The following SLCO3A1 variants were observed in gnomAD, a reference collection of about 807,000 sequenced individuals.
SLCO3A1 encodes PGE1 transporter.
A neutral mutation model predicts 63.1 loss-of-function variants in SLCO3A1; 27 were observed. The observed-to-expected ratio is 0.43, with a 90% CI of 0.32 to 0.59. The LOEUF is 0.59. Among genes scored for constraint, SLCO3A1 ranks in the 20% least tolerant of loss-of-function variants. The pLI is 0.09. For synonymous variants in SLCO3A1, 473 were observed against 409.9 expected, an observed-to-expected ratio of 1.15 and a Z score of -1.86; for missense variants, 773 against 945.8, an observed-to-expected ratio of 0.82 and a Z score of 2.40.
chr15:92,069,518 G>C lies in SLCO3A1; in HGVS notation c.647-25363G>C, dbSNP rs145413268. On this transcript the variant is annotated intron_variant, in intron 2 of 9. Transcript: ENST00000318445. The stretch of plus-strand genomic sequence containing the variant: ...AGAAGGCAGTCTTTGCATTCACTAC[G>C]CAAGGGAGGTGTCACTCCAGGTGAC... Among the ~76,000 whole-genome samples, 115 of 152,288 alleles carry C rather than the reference G, an allele frequency of 7.6e-4. 1 individual carries two copies. Among genetic ancestry groups the C allele is most frequent in the African/African-American group, 2.5e-3 (104 of 41,560 alleles).
chr15:91,936,619 C>G (rs750494748), intron 2 of SLCO3A1, among the ~76,000 whole-genome samples: 2 of 152,168 alleles, frequency 1.3e-5, no homozygotes, highest in Non-Finnish European at 2.9e-5. Context: ...GCATGTCGTG[C>G]GGCTTACAGG....
chr15:92,048,559 AG>A (rs1303029103), intron 2 of SLCO3A1, among the ~76,000 whole-genome samples: 1 of 152,156 alleles, frequency 6.6e-6, no homozygotes, highest in Non-Finnish European at 1.5e-5. Context: ...TTCTAGTAGC[AG>A]CCCCCTACCA....
chr15:92,044,965 C>T (rs2046842809), intron 2 of SLCO3A1, among the ~76,000 whole-genome samples: 1 of 152,156 alleles, frequency 6.6e-6, no homozygotes, highest in Non-Finnish European at 1.5e-5. Context: ...TCCTCTGAGC[C>T]TTGGCTCAAA....
chr15:92,122,418 G>A (rs542381342), intron 5 of SLCO3A1, among the ~76,000 whole-genome samples: 1 of 152,222 alleles, frequency 6.6e-6, no homozygotes, highest in East Asian at 1.9e-4. Context: ...AAACACAAAG[G>A]TGCTAACCAT....
At chr15:91,864,490 CTTTT>C (rs56982912) in intron 1 of SLCO3A1, among the ~76,000 whole-genome samples, 39 of 133,696 alleles carry the variant, frequency 2.9e-4, no homozygotes, top group African/African-American at 5.1e-4. Context: ...AAATGTTCCT[CTTTT>C]TTTTTTTTTT....
At chr15:92,123,322 G>A (rs959513019) in intron 5 of SLCO3A1, among the ~76,000 whole-genome samples, 18 of 152,216 alleles carry the variant, frequency 1.2e-4, no homozygotes, top group African/African-American at 4.1e-4. Context: ...CAGTAGAATC[G>A]CTTGAACCTG....
In SLCO3A1 at chr15:92,163,009, T is replaced by C; in HGVS notation, c.2007T>C (p.Phe669=). Residue 669 remains phenylalanine (F), a synonymous_variant, in exon 10 of 10, where the codon TTT becomes TTC. Transcript: ENST00000318445. ...HEGGLSTSEF[F]ASTLTLDNLG... ...GCGGGCTGAGCACCAGTGAGTTCTT[T>C]GCCTCTACTCTGACCCTAGACAACC... 1 of 1,612,382 alleles carries C rather than the reference T, an allele frequency of 6.2e-7. No individual in the cohort carries two copies. Among genetic ancestry groups the C allele is most frequent in the Non-Finnish European group, 8.5e-7 (1 of 1,178,994 alleles).
intron 6 of SLCO3A1, among the ~76,000 whole-genome samples, chr15:92,127,830 G>A (rs1160656475): frequency 6.6e-6 from 1 of 152,178 alleles, no homozygotes; most frequent in Admixed American, 6.5e-5. Flanking sequence ...TAAGCATCAT[G>A]AGGCTTCCTG....
intron 2 of SLCO3A1, among the ~76,000 whole-genome samples, chr15:92,040,260 A>G (rs1449461236): frequency 1.3e-5 from 2 of 152,190 alleles, no homozygotes; most frequent in African/African-American, 2.4e-5. Context: ...CAGCTTCATT[A>G]ATACTAATTT....
intron 1 of SLCO3A1, chr15:91,889,064 T>A: frequency 6.7e-6 from 5 of 742,856 alleles, no homozygotes; most frequent in East Asian, 1.0e-4. Flanking sequence ...TATTACTAGC[T>A]AACATATAGC....
intron 2 of SLCO3A1, among the ~76,000 whole-genome samples, chr15:91,945,739 A>G (rs1201469282): frequency 6.6e-6 from 1 of 152,210 alleles, no homozygotes; most frequent in African/African-American, 2.4e-5. Context: ...GGTAGGAACA[A>G]TGTGATCCGA....
intron 2 of SLCO3A1, among the ~76,000 whole-genome samples, chr15:91,926,520 A>G (rs1272011577): frequency 1.3e-5 from 2 of 148,720 alleles, no homozygotes; most frequent in African/African-American, 5.0e-5. Context: ...AGTATGTTCC[A>G]TTCCCAGCGT....
Position 91,931,788 on chromosome 15 carries a change from A to AACACACACACACACACACACAC in SLCO3A1, c.646+15342_646+15343insACACACACACACACACACACAC, listed in dbSNP as rs112525299. ...GCCCGGCTGGTGTCTTAAGTGTGGA[A>AACACACACACACACACACACAC]ACACACACACACGCACACACACACA... On this transcript the variant is annotated intron_variant, in intron 2 of 9. Coordinates refer to ENST00000318445, the MANE Select transcript of SLCO3A1 (RefSeq NM_013272.4). 1.7e-4 allele frequency among the ~76,000 whole-genome samples: 25 copies of AACACACACACACACACACACAC among 144,216 alleles called. 1 individual carries two copies. Among genetic ancestry groups the AACACACACACACACACACACAC allele is most frequent in the East Asian group, 1.7e-3 (8 of 4,808 alleles). 94.6% of individuals were successfully genotyped at this position (144,216 alleles called of 152,430 possible).
In SLCO3A1 at chr15:91,856,617, T is replaced by A. The variant is rs1209115453; in HGVS notation, c.180+2529T>A. Among the ~76,000 whole-genome samples, 1 of 152,234 alleles carries A rather than the reference T, an allele frequency of 6.6e-6. No homozygotes were observed. The highest frequency in any genetic ancestry group is 1.5e-5 in the Non-Finnish European group (1 of 68,038). Reference sequence around the variant, plus strand: ...TTCCTTTTAATTCATCATGGCTTTCTTAGGAAACCTGAGACCTTGTGTCTG... The same window carrying A: ...TTCCTTTTAATTCATCATGGCTTTCATAGGAAACCTGAGACCTTGTGTCTG... On this transcript the variant is annotated intron_variant, in intron 1 of 9. Transcript: ENST00000318445. The surrounding 1 kb of genome is among the most constrained non-coding windows in gnomAD (Gnocchi z 4.9).
chr15:92,085,761 A>G (rs970607808), intron 2 of SLCO3A1, among the ~76,000 whole-genome samples: 1 of 152,144 alleles, frequency 6.6e-6, no homozygotes, highest in Admixed American at 6.5e-5. Flanking sequence ...TCTCCTCCCC[A>G]CCTGTCCCCA....
At position 92,164,682 on chromosome 15, in the gene SLCO3A1, G is replaced by C. The variant is rs768494502; in HGVS notation, c.*1547G>C. 55 of 985,400 alleles carry C rather than the reference G, an allele frequency of 5.6e-5. No individual in the cohort carries two copies. Among genetic ancestry groups the C allele is most frequent in the Middle Eastern group, 5.2e-4 (1 of 1,916 alleles). 61.0% of individuals were successfully genotyped at this position (985,400 alleles called of 1,614,324 possible). On this transcript the variant is annotated 3_prime_UTR_variant, in exon 10 of 10. Transcript: ENST00000318445. ...GTGTCCAATGCGTGAAAATGTCTGTGACATTTTCAGTGTTAGTCTTGAACT... is the reference window on the plus strand; with the variant it reads ...GTGTCCAATGCGTGAAAATGTCTGTCACATTTTCAGTGTTAGTCTTGAACT...
chr15:91,951,232 T>A (rs530626452), intron 2 of SLCO3A1, among the ~76,000 whole-genome samples: 4 of 152,296 alleles, frequency 2.6e-5, no homozygotes, highest in African/African-American at 9.6e-5. Flanking sequence ...CATCCCCTGT[T>A]CCCTTACCCT....
chr15:92,009,159 T>C (rs2046343433), intron 2 of SLCO3A1, among the ~76,000 whole-genome samples: 1 of 152,214 alleles, frequency 6.6e-6, no homozygotes, highest in Non-Finnish European at 1.5e-5. Context: ...CCAAATGTTA[T>C]GCTCTGCCGA....
chr15:92,007,212 G>A (rs553046854), intron 2 of SLCO3A1, among the ~76,000 whole-genome samples: 4 of 152,346 alleles, frequency 2.6e-5, no homozygotes, highest in Admixed American at 2.6e-4. Context: ...ATAAGGAAGA[G>A]AGATTGTTCT....
Sources: gnomAD v4.1 joint callset for allele counts (sites outside exome capture counted in the v4.1 genomes callset) on GRCh38, gnomAD v4.1.1 for gene constraint, Gnocchi (gnomAD v3.1) non-coding constraint, MANE v1.5 for transcripts, NCBI Gene and HGNC (gene_info 2026-07-23, HGNC 2026-07-21) for gene names.